Variants in KCNH7 observed in about 807,000 individuals in gnomAD.
KCNH7 encodes potassium voltage-gated channel subfamily H member 7.
A neutral mutation model predicts 120.8 loss-of-function variants in KCNH7; 49 were observed. The ratio of observed to expected loss-of-function variants is 0.41; its 90% CI spans 0.32 to 0.51. KCNH7 has a LOEUF of 0.51. Ranked by LOEUF, KCNH7 falls within the 20% of genes least tolerant of loss-of-function variation. KCNH7 has a pLI of 0.38. For missense variants in KCNH7, 1,097 were observed against 1,446.6 expected, an observed-to-expected ratio of 0.76 and a Z score of 3.92; for synonymous variants, 547 against 516.1, an observed-to-expected ratio of 1.06 and a Z score of -0.81.
chr2:162,482,859 A>G (rs1255521205), intron 6 of KCNH7, among the ~76,000 whole-genome samples: 1 of 152,196 alleles, frequency 6.6e-6, no homozygotes, highest in East Asian at 1.9e-4. Context: ...GAAAGTGTAT[A>G]CTTAATATTT....
intron 2 of KCNH7, among the ~76,000 whole-genome samples, chr2:162,649,782 T>G (rs1236408408): frequency 2.0e-5 from 3 of 152,150 alleles, no homozygotes; most frequent in African/African-American, 7.2e-5. Context: ...TTCTTCAATC[T>G]CTCTTTGTTG....
rs190781643 is a variant in KCNH7 at position 162,560,898 on chromosome 2, C to T, written c.308-23818G>A. The stretch of plus-strand genomic sequence containing the variant: ...GTGACTCTTTAGCCAATGGCTTCTT[C>T]CATAATTCACTCTTCTTGAAATAAC... On this transcript the variant is annotated intron_variant, in intron 2 of 15. Coordinates refer to ENST00000332142, the MANE Select transcript of KCNH7 (RefSeq NM_033272.4). 1.3e-3 allele frequency among the ~76,000 whole-genome samples: 196 copies of T among 152,280 alleles called. 2 individuals carry two copies. Among genetic ancestry groups the T allele is most frequent in the Non-Finnish European group, 1.2e-4 (8 of 68,022 alleles).
At chr2:162,395,479 T>C (rs888419266) in intron 11 of KCNH7, among the ~76,000 whole-genome samples, 1 of 151,750 alleles carries the variant, frequency 6.6e-6, no homozygotes, top group Admixed American at 6.6e-5. Flanking sequence ...CTCTGTCTAA[T>C]ATTGTCTACC....
rs201961412 is a variant in KCNH7 at position 162,794,246 on chromosome 2, AGAAG to A, written c.307+42287_307+42290del. ...GGAAGGAAGGAAGGGCAGGAGGGAG[AGAAG>A]GAAGGAAGGAAGGAAGAGGAAAAGG... is the stretch of plus-strand genomic sequence containing the variant. On this transcript the variant is annotated intron_variant, in intron 2 of 15. Transcript: ENST00000332142. Among the ~76,000 whole-genome samples, 916 of 151,480 alleles carry A rather than the reference AGAAG, an allele frequency of 6.0e-3. 15 individuals carry two copies. Among genetic ancestry groups the A allele is most frequent in the African/African-American group, 0.02 (842 of 41,398 alleles).
At chr2:162,598,218 A>G (rs887119042) in intron 2 of KCNH7, among the ~76,000 whole-genome samples, 1 of 152,030 alleles carries the variant, frequency 6.6e-6, no homozygotes, top group African/African-American at 2.4e-5. Context: ...TGAATAATTG[A>G]TTTTCAATGC....
chr2:162,781,639 T>C (rs1048510641), intron 2 of KCNH7, among the ~76,000 whole-genome samples: 3 of 152,112 alleles, frequency 2.0e-5, no homozygotes, highest in Non-Finnish European at 4.4e-5. Flanking sequence ...ACATATATTA[T>C]ACTTTTTTGA....
chr2:162,824,813 TG>T (rs1316573312), intron 2 of KCNH7, among the ~76,000 whole-genome samples: 1 of 151,958 alleles, frequency 6.6e-6, no homozygotes, highest in East Asian at 1.9e-4. Flanking sequence ...CTAACTTTCC[TG>T]GCCATCAGTT....
intron 2 of KCNH7, among the ~76,000 whole-genome samples, chr2:162,816,222 A>T (rs1241342350): frequency 8.1e-6 from 1 of 124,118 alleles, no homozygotes; most frequent in East Asian, 2.6e-4. Context: ...GTGCCATTGC[A>T]CTCCAGCCTG....
chr2:162,755,835 A>G (rs908760625), intron 2 of KCNH7, among the ~76,000 whole-genome samples: 17 of 152,312 alleles, frequency 1.1e-4, no homozygotes, highest in African/African-American at 3.6e-4. Flanking sequence ...AATCATTGGC[A>G]TATACTTGGT....
intron 2 of KCNH7, among the ~76,000 whole-genome samples, chr2:162,564,912 A>G (rs1162315039): frequency 6.6e-6 from 1 of 152,116 alleles, no homozygotes; most frequent in Non-Finnish European, 1.5e-5. Context: ...ACTTGGTTAA[A>G]AATAACTCTA....
At chr2:162,713,078 C>T (rs1282120867) in intron 2 of KCNH7, among the ~76,000 whole-genome samples, 1 of 152,184 alleles carries the variant, frequency 6.6e-6, no homozygotes, top group Non-Finnish European at 1.5e-5. Flanking sequence ...GCACCCACCA[C>T]CACACCCAGC....
In KCNH7 at chr2:162,713,874, G is replaced by A. The variant is rs554074094; in HGVS notation, c.307+122663C>T. Among the ~76,000 whole-genome samples, 88 of 152,062 alleles carry A rather than the reference G, an allele frequency of 5.8e-4. No individual in the cohort carries two copies. The East Asian group carries it at 0.012, about 21-fold the overall frequency. On this transcript the variant is annotated intron_variant, in intron 2 of 15. Coordinates refer to ENST00000332142, the MANE Select transcript of KCNH7 (RefSeq NM_033272.4). ...AGTGATTCTCCTGCCTCAGCCTCCC[G>A]GGTAGCTGGGATTACAGGCGCCTGC...
chr2:162,387,570 A>G (rs1686611272), intron 12 of KCNH7, among the ~76,000 whole-genome samples: 1 of 151,556 alleles, frequency 6.6e-6, no homozygotes, highest in Non-Finnish European at 1.5e-5. Flanking sequence ...TCCTGTTACC[A>G]TCATTTTATA....
At chr2:162,441,671 G>A (rs573744507) in intron 7 of KCNH7, among the ~76,000 whole-genome samples, 17 of 152,150 alleles carry the variant, frequency 1.1e-4, no homozygotes, top group South Asian at 4.2e-4. Flanking sequence ...GCTAAATACC[G>A]GAAAATATGA....
intron 2 of KCNH7, among the ~76,000 whole-genome samples, chr2:162,562,028 G>A (rs766988092): frequency 9.2e-5 from 14 of 152,080 alleles, no homozygotes; most frequent in Non-Finnish European, 1.3e-4. Flanking sequence ...CATGGACACA[G>A]GGAGGGGATC....
chr2:162,835,765 A>C (rs1685642380), intron 2 of KCNH7, among the ~76,000 whole-genome samples: 1 of 152,104 alleles, frequency 6.6e-6, no homozygotes, highest in Non-Finnish European at 1.5e-5. Flanking sequence ...TTACATGTGT[A>C]ATTTTTTAAG....
intron 2 of KCNH7, among the ~76,000 whole-genome samples, chr2:162,585,408 A>G (rs1401746840): frequency 5.9e-5 from 9 of 152,086 alleles, no homozygotes; most frequent in Admixed American, 5.9e-4. Context: ...GCAACAGTTG[A>G]ATACTTGTGT....
At chr2:162,810,451 T>C (rs944023897) in intron 2 of KCNH7, among the ~76,000 whole-genome samples, 1 of 152,164 alleles carries the variant, frequency 6.6e-6, no homozygotes, top group African/African-American at 2.4e-5. Flanking sequence ...ATAGGATACA[T>C]GCAACACACA....
In KCNH7 at chr2:162,621,733, A is replaced by T. The variant is rs561236011; in HGVS notation, c.308-84653T>A. Among the ~76,000 whole-genome samples, 6 of 152,288 alleles carry T rather than the reference A, an allele frequency of 3.9e-5. No homozygotes were observed. The East Asian group carries it at 7.7e-4, about 20-fold the overall frequency. On this transcript the variant is annotated intron_variant, in intron 2 of 15. Transcript: ENST00000332142. ...GCTGGTTATATTTCTCCAGAGGCTG[A>T]ACTTTTTATATAACACCTTGTTTTA... is the stretch of plus-strand genomic sequence containing the variant.
Sources: allele counts gnomAD v4.1 joint callset (sites outside exome capture counted in the v4.1 genomes callset), GRCh38; gene constraint gnomAD v4.1.1; transcripts MANE v1.5; gene names NCBI Gene and HGNC (gene_info 2026-07-23, HGNC 2026-07-21).